Variants in UPK1B observed in about 807,000 individuals in gnomAD.
UPK1B encodes the protein uroplakin 1B.
UPK1B carries 28 observed loss-of-function variants against 34.2 expected under a neutral mutation model. That is an observed-to-expected ratio of 0.82 (90% confidence interval 0.61 to 1.12). The LOEUF is 1.12. Among genes scored for constraint, UPK1B ranks in the 50% most tolerant of loss-of-function variants. UPK1B has a pLI of 0.00. For synonymous variants in UPK1B, 81 were observed against 110.4 expected (o/e 0.73, Z 1.67); for missense variants, 325 against 320.9 (o/e 1.01, Z -0.10).
Position 119,187,971 on chromosome 3 carries a change from T to G in UPK1B, c.266T>G (p.Leu89Arg), listed in dbSNP as rs2078026916. The stretch of plus-strand genomic sequence containing the variant: ...ATGAAGTCCAGCAGGAAAATTCTTC[T>G]GGCGGTAAGACCTCAAAATTCTCTG... ...GIMKSSRKIL[L>R]AYFILMFIVY... The change falls in exon 3 of 8, where the codon CTG becomes CGG. Residue 89 changes from leucine to arginine, a missense_variant. By Grantham distance (102) the Leu-to-Arg change is moderately radical (BLOSUM62 -2). Coordinates refer to ENST00000264234, the MANE Select transcript of UPK1B (RefSeq NM_006952.4). 6.2e-7 allele frequency: 1 copy of G among 1,614,208 alleles called. No homozygotes were observed. Among genetic ancestry groups the G allele is most frequent in the Non-Finnish European group, 8.5e-7 (1 of 1,180,026 alleles).
chr3:119,184,344 C>A (rs538791917), intron 1 of UPK1B, among the ~76,000 whole-genome samples: 60 of 152,258 alleles, frequency 3.9e-4, no homozygotes, highest in Non-Finnish European at 6.6e-4. Context: ...CTCAGCGGTG[C>A]CTCTGTCTTT....
intron 1 of UPK1B, among the ~76,000 whole-genome samples, chr3:119,179,296 C>T (rs1188746918): frequency 7.3e-6 from 1 of 136,502 alleles, no homozygotes; most frequent in Admixed American, 7.8e-5. Context: ...CACTGCACTC[C>T]CTGGGTGACA....
intron 1 of UPK1B, among the ~76,000 whole-genome samples, chr3:119,177,290 G>C (rs2077961240): frequency 6.6e-6 from 1 of 152,148 alleles, no homozygotes; most frequent in Non-Finnish European, 1.5e-5. Context: ...TCACAGGTGG[G>C]AGGTCAAGAG....
chr3:119,182,873 G>A (rs1222309145), intron 1 of UPK1B, among the ~76,000 whole-genome samples: 1 of 152,186 alleles, frequency 6.6e-6, no homozygotes, highest in Non-Finnish European at 1.5e-5. Context: ...TTCTGGTCTT[G>A]GGGGTAGGTG....
At chr3:119,194,787 A>C (rs1382227265) in intron 6 of UPK1B, among the ~76,000 whole-genome samples, 4 of 152,248 alleles carry the variant, frequency 2.6e-5, no homozygotes, top group African/African-American at 9.6e-5. Flanking sequence ...CAAAGCAATG[A>C]CTATTGCTGA....
intron 6 of UPK1B, among the ~76,000 whole-genome samples, chr3:119,194,809 G>C (rs561592828): frequency 6.6e-6 from 1 of 152,322 alleles, no homozygotes; most frequent in South Asian, 2.1e-4. Context: ...GATAAATGTA[G>C]TAATTACACA....
chr3:119,198,220 G>A (rs976763538), intron 6 of UPK1B, among the ~76,000 whole-genome samples: 1 of 152,114 alleles, frequency 6.6e-6, no homozygotes, highest in Non-Finnish European at 1.5e-5. Context: ...AAGCTCATTC[G>A]CTTTATAGAG....
intron 4 of UPK1B, 151 bp downstream of exon 4, chr3:119,190,470 A>T: frequency 1.9e-6 from 1 of 539,026 alleles, no homozygotes; most frequent in East Asian, 3.0e-5. Context: ...TCTATGAAAT[A>T]GGCATTATCA....
chr3:119,199,197 G>C lies in UPK1B; in HGVS notation c.732+57G>C, dbSNP rs558537882. The C allele has an allele frequency of 3.1e-6, 5 of 1,590,512 alleles. No individual in the cohort carries two copies. In the African/African-American group the frequency reaches 6.7e-5, roughly 21 times the overall value. On this transcript the variant is annotated intron_variant, in intron 7 of 7. Transcript: ENST00000264234. ...GAGGATGATCATACGGAGAGACCTTGAGAGTGCCACTGGTTACCTCAACCA... is the reference window on the plus strand; with the variant it reads ...GAGGATGATCATACGGAGAGACCTTCAGAGTGCCACTGGTTACCTCAACCA...
chr3:119,198,272 C>T (rs188688348), intron 6 of UPK1B, among the ~76,000 whole-genome samples: 112 of 152,280 alleles, frequency 7.4e-4, no homozygotes, highest in Admixed American at 2.1e-3. Context: ...GAGGCAGAGC[C>T]GCATGGTCCA....
rs1204555335 is a variant in UPK1B, at chr3:119,199,060, T to C, written c.652T>C (p.Cys218Arg). 5 of 1,614,026 alleles carry C rather than the reference T, an allele frequency of 3.1e-6. No homozygotes were observed. In the East Asian group the frequency reaches 1.1e-4, roughly 36 times the overall value. The change falls in exon 7 of 8, where the codon TGC becomes CGC. Residue 218 changes from cysteine (C) to arginine (R), a missense_variant. Cys to Arg is a radical substitution (Grantham distance 180). Transcript: ENST00000264234. ...GTGGAATTGCCCACTCCTTCAGGGC[T>C]GCTATGAACTGATCTCTGGTCCAAT... ...GVPGFYHNQG[C>R]YELISGPMNR...
chr3:119,179,356 T>G (rs1412021514), intron 1 of UPK1B, among the ~76,000 whole-genome samples: 32 of 18,262 alleles, frequency 1.8e-3, no homozygotes, highest in South Asian at 5.6e-3. Flanking sequence ...GAGGGAGATA[T>G]ATATATATAT....
intron 1 of UPK1B, among the ~76,000 whole-genome samples, chr3:119,183,226 T>C (rs1199743011): frequency 1.3e-5 from 2 of 152,088 alleles, no homozygotes; most frequent in South Asian, 2.1e-4. Flanking sequence ...TTTCTAGCAA[T>C]GTGGCCTTGG....
chr3:119,193,795 A>C (rs1435209357), intron 5 of UPK1B, among the ~76,000 whole-genome samples: 3 of 152,172 alleles, frequency 2.0e-5, no homozygotes, highest in African/African-American at 4.8e-5. Context: ...ACATTGTTAT[A>C]TCAATATATT....
chr3:119,198,145 A>C (rs2078075106), intron 6 of UPK1B, among the ~76,000 whole-genome samples: 3 of 151,668 alleles, frequency 2.0e-5, no homozygotes, highest in Non-Finnish European at 4.4e-5. Flanking sequence ...AAACAATAAA[A>C]ATATGCATAC....
intron 3 of UPK1B, among the ~76,000 whole-genome samples, chr3:119,188,329 A>AT (rs1363780826): frequency 6.6e-5 from 10 of 152,170 alleles, no homozygotes; most frequent in Non-Finnish European, 1.5e-4. Context: ...CATTCATTAG[A>AT]TTTTTTTCTC....
intron 5 of UPK1B, among the ~76,000 whole-genome samples, chr3:119,191,398 C>G (rs926075812): frequency 8.5e-5 from 13 of 152,148 alleles, no homozygotes; most frequent in Non-Finnish European, 1.8e-4. Context: ...GCTAGTCTTG[C>G]CAAGGACCAG....
chr3:119,189,450 C>G (rs1363748790), intron 3 of UPK1B, among the ~76,000 whole-genome samples: 1 of 152,236 alleles, frequency 6.6e-6, no homozygotes, highest in Non-Finnish European at 1.5e-5. Flanking sequence ...CTCTTGCAAA[C>G]AGTCCCCATC....
At chr3:119,199,373 C>T (rs925216534) in intron 7 of UPK1B, among the ~76,000 whole-genome samples, 4 of 152,160 alleles carry the variant, frequency 2.6e-5, no homozygotes. Context: ...CTCCTTCTTC[C>T]GGCTGATGGG....
Sources: allele counts gnomAD v4.1 joint callset (sites outside exome capture counted in the v4.1 genomes callset), GRCh38; gene constraint gnomAD v4.1.1; transcripts MANE v1.5; gene names NCBI Gene and HGNC (gene_info 2026-07-23, HGNC 2026-07-21).